NALF1: variants seen among roughly 807,000 people sequenced by gnomAD.
NALF1 encodes NALCN channel auxiliary factor 1.
In NALF1, 3 loss-of-function variants were observed where a neutral mutation model predicts 48.4. The observed-to-expected ratio is 0.06, with a 90% CI of 0.03 to 0.16. The LOEUF is 0.16. Among genes scored for constraint, NALF1 ranks in the 10% least tolerant of loss-of-function variants. The pLI is 1.00. For synonymous variants in NALF1, 262 were observed against 245.7 expected (o/e 1.07, Z -0.62); for missense variants, 526 against 571.5 (o/e 0.92, Z 0.81).
At chr13:107,555,360 C>T (rs528626594) in intron 1 of NALF1, among the ~76,000 whole-genome samples, 13 of 151,734 alleles carry the variant, frequency 8.6e-5, no homozygotes, top group Middle Eastern at 3.4e-3. Context: ...GCAACCTCCG[C>T]CTCCCGGGTT....
chr13:107,387,521 A>T lies in NALF1; in HGVS notation c.916-176766T>A, dbSNP rs1217698138. 4.6e-5 allele frequency among the ~76,000 whole-genome samples: 7 copies of T among 152,318 alleles called. No homozygotes were observed. The East Asian group carries it at 1.4e-3, about 29-fold the overall frequency. On this transcript the variant is annotated intron_variant, in intron 1 of 2. Coordinates refer to ENST00000375915, the MANE Select transcript of NALF1 (RefSeq NM_001080396.3). ...CAATTGAAAGCATGCTGCTAGATTA[A>T]AAAGGAGTTTTCTGGGATGGTACAG...
chr13:107,698,171 A>T (rs952383639), intron 1 of NALF1, among the ~76,000 whole-genome samples: 2 of 152,130 alleles, frequency 1.3e-5, no homozygotes, highest in Non-Finnish European at 2.9e-5. Flanking sequence ...AATTTGTTTA[A>T]CCTGGTGATA....
At chr13:107,597,883 C>G (rs548618083) in intron 1 of NALF1, among the ~76,000 whole-genome samples, 2 of 152,166 alleles carry the variant, frequency 1.3e-5, no homozygotes, top group African/African-American at 2.4e-5. Context: ...ACTACTTAAA[C>G]CAAATTTTCA....
In NALF1 at chr13:107,786,573, AT is replaced by A. The variant is rs1878079695; in HGVS notation, c.915+79108del. Among the ~76,000 whole-genome samples, 3 of 145,092 alleles carry A rather than the reference AT, an allele frequency of 2.1e-5. No individual in the cohort carries two copies. The Admixed American group carries it at 2.1e-4, about 10-fold the overall frequency. ...TGGCGAAACCCCATCTCTACTAAAA[AT>A]AAAAAAAATTAGCTGGGCGTGGTGG... On this transcript the variant is annotated intron_variant, in intron 1 of 2. Transcript: ENST00000375915.
rs1349520412 is a variant in NALF1, at chr13:107,867,239, G to C, written c.-643C>G. Among the ~76,000 whole-genome samples, 1 of 150,192 alleles carries C rather than the reference G, an allele frequency of 6.7e-6. No individual in the cohort carries two copies. The highest frequency in any genetic ancestry group is 1.5e-5 in the Non-Finnish European group (1 of 67,356). ...CTCCGCGCTGGCTCTCCCAGAGTCC[G>C]GAGCCTGGGCTGCCTCCGGCGGGGC... On this transcript the variant is annotated 5_prime_UTR_variant, in exon 1 of 3. Transcript: ENST00000375915. The surrounding 1 kb of genome is among the most constrained non-coding windows in gnomAD (Gnocchi z 4.4).
chr13:107,621,274 A>G (rs936476444), intron 1 of NALF1, among the ~76,000 whole-genome samples: 3 of 152,184 alleles, frequency 2.0e-5, no homozygotes, highest in African/African-American at 2.4e-5. Context: ...TATCTTTTTA[A>G]GTTAATTTTT....
At chr13:107,273,951 C>T (rs980507237) in intron 1 of NALF1, among the ~76,000 whole-genome samples, 2 of 152,100 alleles carry the variant, frequency 1.3e-5, no homozygotes, top group African/African-American at 4.8e-5. Context: ...TGCTCATGAG[C>T]TTCTGTAACA....
intron 1 of NALF1, among the ~76,000 whole-genome samples, chr13:107,527,810 T>C (rs1876494972): frequency 6.6e-6 from 1 of 152,152 alleles, no homozygotes; most frequent in Non-Finnish European, 1.5e-5. Flanking sequence ...ACCTTTCTGC[T>C]TCTGCCATGA....
At chr13:107,824,951 C>T (rs754587734) in intron 1 of NALF1, among the ~76,000 whole-genome samples, 2 of 152,032 alleles carry the variant, frequency 1.3e-5, no homozygotes, top group Non-Finnish European at 1.5e-5. Context: ...CCACCTTTCC[C>T]GAATACTAGG....
At chr13:107,599,950 T>C (rs1485045849) in intron 1 of NALF1, among the ~76,000 whole-genome samples, 1 of 152,178 alleles carries the variant, frequency 6.6e-6, no homozygotes, top group Admixed American at 6.5e-5. Flanking sequence ...TTCCCCACTA[T>C]ATGGCCTAAC....
intron 1 of NALF1, among the ~76,000 whole-genome samples, chr13:107,419,347 T>A (rs1045300671): frequency 6.6e-6 from 1 of 152,262 alleles, no homozygotes; most frequent in Admixed American, 6.5e-5. Flanking sequence ...TATGTGCCTG[T>A]CTCTAAACCC....
chr13:107,734,361 T>C (rs919434753), intron 1 of NALF1, among the ~76,000 whole-genome samples: 5 of 150,420 alleles, frequency 3.3e-5, no homozygotes, highest in African/African-American at 4.9e-5. Context: ...ATCTGCAATG[T>C]TGCACTGAGG....
intron 1 of NALF1, among the ~76,000 whole-genome samples, chr13:107,851,672 A>G (rs2138642430): frequency 6.6e-6 from 1 of 152,308 alleles, no homozygotes; most frequent in South Asian, 2.1e-4. Context: ...AATTTCAAAG[A>G]TCTGAGTAAA....
At chr13:107,269,964 G>A (rs1232322578) in intron 1 of NALF1, among the ~76,000 whole-genome samples, 1 of 122,466 alleles carries the variant, frequency 8.2e-6, no homozygotes, top group Non-Finnish European at 1.6e-5. Context: ...TAGAGACGGA[G>A]TTTCTCCGTG....
At chr13:107,826,529 T>C (rs1486454554) in intron 1 of NALF1, among the ~76,000 whole-genome samples, 1 of 152,212 alleles carries the variant, frequency 6.6e-6, no homozygotes, top group Non-Finnish European at 1.5e-5. Flanking sequence ...GGCTCCAGGC[T>C]GAATGGTGAA....
intron 1 of NALF1, among the ~76,000 whole-genome samples, chr13:107,740,965 G>A (rs1594238458): frequency 6.6e-6 from 1 of 152,242 alleles, no homozygotes; most frequent in South Asian, 2.1e-4. Context: ...CAACAGCTAG[G>A]GGGCAGTGAT....
At chr13:107,305,131 G>T (rs991716754) in intron 1 of NALF1, among the ~76,000 whole-genome samples, 3 of 152,178 alleles carry the variant, frequency 2.0e-5, no homozygotes, top group Non-Finnish European at 1.5e-5. Flanking sequence ...TTAGCTGGTT[G>T]TAAGTTAGTA....
In NALF1 at chr13:107,387,476, C is replaced by T. The variant is rs185585274; in HGVS notation, c.916-176721G>A. Among the ~76,000 whole-genome samples, 247 of 152,178 alleles carry T rather than the reference C, an allele frequency of 1.6e-3. 1 individual carries two copies. The highest frequency in any genetic ancestry group is 9.5e-3 in the South Asian group (46 of 4,820). Reference sequence around the variant, plus strand: ...CCCACTGATTAGGGTTTGTGGCTGCCGGTCTACTGCTGTCTTGTTCAATTG... The same window carrying T: ...CCCACTGATTAGGGTTTGTGGCTGCTGGTCTACTGCTGTCTTGTTCAATTG... On this transcript the variant is annotated intron_variant, in intron 1 of 2. Transcript: ENST00000375915.
intron 1 of NALF1, among the ~76,000 whole-genome samples, chr13:107,671,850 G>T (rs28363732): frequency 0.19 from 29,610 of 152,044 alleles, 3,050 homozygotes; most frequent in Middle Eastern, 0.37. Context: ...ATGCCTGGAA[G>T]AATATATATT....
Sources: allele counts gnomAD v4.1 joint callset (sites outside exome capture counted in the v4.1 genomes callset), GRCh38; gene constraint gnomAD v4.1.1; non-coding constraint Gnocchi (gnomAD v3.1); transcripts MANE v1.5; gene names NCBI Gene and HGNC (gene_info 2026-07-23, HGNC 2026-07-21).